Variants in USPL1 observed in about 807,000 individuals in gnomAD.
USPL1 encodes the protein ubiquitin specific peptidase like 1.
Under a neutral mutation model 51.5 loss-of-function variants are expected in USPL1, and 27 were observed. The ratio of observed to expected loss-of-function variants is 0.52; its 90% CI spans 0.39 to 0.72. USPL1 has a LOEUF of 0.72. USPL1 is among the 30% of genes least tolerant of loss of function. The probability of loss-of-function intolerance (pLI) is 0.00; values close to 1 mark genes in which losing one functional copy is unlikely to be tolerated. For missense variants in USPL1, 1,226 were observed against 1,268.0 expected (o/e 0.97, Z 0.50); for synonymous variants, 451 against 459.6 (o/e 0.98, Z 0.24).
chr13:30,631,041 A>G lies in USPL1; in HGVS notation c.435A>G (p.Val145=), dbSNP rs778960666. ...KVLNSKHNGE[V]YDETSSNLPD... The stretch of plus-strand genomic sequence containing the variant: ...TGAACAGCAAACATAATGGAGAAGT[A>G]TATGACGAAACCTCGTCAAACTTAC... Residue 145 remains valine, a synonymous_variant, in exon 4 of 9, where the codon GTA becomes GTG. Coordinates refer to ENST00000255304, the MANE Select transcript of USPL1 (RefSeq NM_005800.5). 48 of 1,614,086 alleles carry G rather than the reference A, an allele frequency of 3.0e-5. No homozygotes were observed. Among genetic ancestry groups the G allele is most frequent in the South Asian group, 2.3e-4 (21 of 91,090 alleles).
intron 2 of USPL1, 134 bp from the exon 3 acceptor site, chr13:30,621,630 A>G: frequency 1.6e-6 from 1 of 629,742 alleles, no homozygotes; most frequent in Non-Finnish European, 2.4e-6. Context: ...TTTGTTTGCC[A>G]TGTTTAAAAT....
chr13:30,639,109 G>A (rs1357634732), intron 5 of USPL1, among the ~76,000 whole-genome samples: 3 of 151,410 alleles, frequency 2.0e-5, no homozygotes, highest in African/African-American at 7.3e-5. Flanking sequence ...CCAGCTACTC[G>A]GGAGGCTGAG....
At position 30,642,730 on chromosome 13, in the gene USPL1, C is replaced by T. The variant is rs528822246; in HGVS notation, c.1085C>T (p.Ser362Leu). The change falls in exon 6 of 9, where the codon TCG becomes TTG. Residue 362 changes from serine (S) to leucine (L), a missense_variant. Transcript: ENST00000255304. ...LYSFSWDFEC[S>L]QCGHQYQNRH... ...TCTTTTTCTTGGGACTTTGAATGTT[C>T]GCAGTGTGGACACCAATATCAAAAC... The T allele has an allele frequency of 6.3e-5, 101 of 1,613,558 alleles. No homozygotes were observed. In the South Asian group the frequency reaches 7.1e-4, roughly 11 times the overall value.
chr13:30,641,320 A>C (rs1396835104), intron 5 of USPL1, among the ~76,000 whole-genome samples: 1 of 152,130 alleles, frequency 6.6e-6, no homozygotes, highest in Non-Finnish European at 1.5e-5. Context: ...TGTTCCAGGC[A>C]ACTGTAGTTC....
chr13:30,621,357 A>G (rs1213055979), intron 2 of USPL1, 118 bp downstream of exon 2: 9 of 698,606 alleles, frequency 1.3e-5, no homozygotes, highest in Non-Finnish European at 1.9e-5. Flanking sequence ...TTCCACGGAA[A>G]TCTTACAGTA....
intron 7 of USPL1, among the ~76,000 whole-genome samples, chr13:30,651,801 A>G (rs1951095226): frequency 6.6e-6 from 1 of 152,176 alleles, no homozygotes; most frequent in Non-Finnish European, 1.5e-5. Flanking sequence ...TCTTTACTAA[A>G]AATAGTAGTG....
At chr13:30,656,269 A>G (rs564921014) in intron 8 of USPL1, among the ~76,000 whole-genome samples, 10 of 152,332 alleles carry the variant, frequency 6.6e-5, no homozygotes, top group South Asian at 2.1e-4. Flanking sequence ...TAAGTGTACA[A>G]TTCATTGGCA....
chr13:30,649,066 A>C (rs1331147641), intron 7 of USPL1, among the ~76,000 whole-genome samples: 1 of 152,216 alleles, frequency 6.6e-6, no homozygotes, highest in East Asian at 1.9e-4. Context: ...TTAACTATAC[A>C]AATAAGTTGC....
At chr13:30,640,607 T>C (rs1215654017) in intron 5 of USPL1, among the ~76,000 whole-genome samples, 3 of 152,180 alleles carry the variant, frequency 2.0e-5, no homozygotes, top group East Asian at 1.9e-4. Flanking sequence ...GGAAAATTGC[T>C]TGAAACCAGG....
intron 8 of USPL1, among the ~76,000 whole-genome samples, chr13:30,653,525 G>A (rs186385499): frequency 2.0e-5 from 3 of 152,072 alleles, no homozygotes; most frequent in Admixed American, 1.3e-4. Flanking sequence ...ATGTATTATA[G>A]GTAAACACAT....
chr13:30,620,275 A>G (rs1262790025), intron 1 of USPL1, among the ~76,000 whole-genome samples: 3 of 152,056 alleles, frequency 2.0e-5, no homozygotes, highest in Admixed American at 6.6e-5. Flanking sequence ...ATTTTACAAC[A>G]TTTCTGCTAA....
At chr13:30,624,553 C>T (rs983414125) in intron 3 of USPL1, among the ~76,000 whole-genome samples, 2 of 152,110 alleles carry the variant, frequency 1.3e-5, no homozygotes, top group Middle Eastern at 3.2e-3. Context: ...CCAGGAGGTC[C>T]AGGCTGCAGT....
chr13:30,655,630 GAA>G (rs1951152467), intron 8 of USPL1, among the ~76,000 whole-genome samples: 1 of 152,102 alleles, frequency 6.6e-6, no homozygotes, highest in East Asian at 1.9e-4. Context: ...CTTGTATAAG[GAA>G]AAGAGAAACT....
rs554862794 is a variant in USPL1, at chr13:30,631,426, A to G, written c.820A>G (p.Asn274Asp). The G allele has an allele frequency of 3.1e-6, 5 of 1,614,214 alleles. No homozygotes were observed. The highest frequency in any genetic ancestry group is 2.5e-6 in the Non-Finnish European group (3 of 1,180,032). ...SIFWRLLTKY[N>D]QANTLLYTSQ... The stretch of plus-strand genomic sequence containing the variant: ...ATTCTGGCGGTTGCTTACAAAATAT[A>G]ATCAAGCAAATACACTTCTATATAC... The change falls in exon 4 of 9, where the codon AAT becomes GAT. Residue 274 changes from asparagine (N) to aspartate (D), a missense_variant. Coordinates refer to ENST00000255304, the MANE Select transcript of USPL1 (RefSeq NM_005800.5).
chr13:30,622,971 A>G (rs867785097), intron 3 of USPL1, among the ~76,000 whole-genome samples: 1 of 152,158 alleles, frequency 6.6e-6, no homozygotes, highest in African/African-American at 2.4e-5. Context: ...TAAAACAAAA[A>G]TTTCTTGCCC....
intron 4 of USPL1, among the ~76,000 whole-genome samples, chr13:30,635,571 A>G (rs1165879445): frequency 2.6e-5 from 4 of 152,166 alleles, no homozygotes; most frequent in Middle Eastern, 6.8e-3. Flanking sequence ...CTTTTATTCA[A>G]CTTCTTTTGA....
intron 3 of USPL1, among the ~76,000 whole-genome samples, chr13:30,622,687 G>T (rs772242490): frequency 1.3e-5 from 2 of 152,090 alleles, no homozygotes; most frequent in Non-Finnish European, 2.9e-5. Context: ...ATAAATTTCT[G>T]AGTATCACCC....
chr13:30,627,440 G>A (rs1006548254), intron 3 of USPL1, among the ~76,000 whole-genome samples: 8 of 151,974 alleles, frequency 5.3e-5, no homozygotes, highest in African/African-American at 1.9e-4. Context: ...AGAAAAGTCA[G>A]TGAAGACACT....
At chr13:30,642,607 T>C in intron 5 of USPL1, 21 bp from the exon 6 acceptor site, 1 of 1,596,564 alleles carries the variant, frequency 6.3e-7, no homozygotes. Flanking sequence ...TGAGCAGTAA[T>C]TCTTCCTTTT....
Sources: allele counts gnomAD v4.1 joint callset (sites outside exome capture counted in the v4.1 genomes callset), GRCh38; gene constraint gnomAD v4.1.1; transcripts MANE v1.5; gene names NCBI Gene and HGNC (gene_info 2026-07-23, HGNC 2026-07-21).